Variants in ECT2 observed in about 807,000 individuals in gnomAD.
ECT2 encodes the protein protein ECT2.
Under a neutral mutation model 116.9 loss-of-function variants are expected in ECT2, and 61 were observed. That is an observed-to-expected ratio of 0.52 (90% CI 0.42 to 0.65). The LOEUF (loss-of-function observed/expected upper bound fraction) is 0.65. Among genes scored for constraint, ECT2 ranks in the 30% least tolerant of loss-of-function variants. The pLI, the probability that ECT2 is intolerant of heterozygous loss-of-function variation, is 0.00. For missense variants in ECT2, 937 were observed against 1,078.7 expected, an observed-to-expected ratio of 0.87 and a Z score of 1.84; for synonymous variants, 358 against 346.4, an observed-to-expected ratio of 1.03 and a Z score of -0.37.
chr3:172,760,180 C>T lies in ECT2; in HGVS notation c.601C>T (p.His201Tyr), dbSNP rs1410314961. Residue 201 changes from histidine (H) to tyrosine (Y), a missense_variant, in exon 7 of 25, where the codon CAC becomes TAC. By Grantham distance (83) the His-to-Tyr change is moderately conservative (BLOSUM62 2). Transcript: ENST00000392692. The stretch of plus-strand genomic sequence containing the variant: ...GGTCAGGTTGGTGACATTGGTCCAT[C>T]ACATGGGTGGAGTTATTCGAAAAGA... ...ELVRLVTLVH[H>Y]MGGVIRKDFN... The T allele has an allele frequency of 6.2e-7, 1 of 1,610,276 alleles. No homozygotes were observed. The highest frequency in any genetic ancestry group is 1.7e-5 in the Admixed American group (1 of 59,582).
At chr3:172,804,085 C>G (rs750734430) in intron 20 of ECT2, among the ~76,000 whole-genome samples, 1 of 152,186 alleles carries the variant, frequency 6.6e-6, no homozygotes, top group Non-Finnish European at 1.5e-5. Flanking sequence ...ATTGGGATTA[C>G]AGGCGTGAGC....
intron 8 of ECT2, 133 bp from the exon 9 acceptor site, chr3:172,762,283 G>A: frequency 3.1e-6 from 3 of 960,252 alleles, no homozygotes; most frequent in Non-Finnish European, 3.0e-6. Context: ...GAGCATTTCA[G>A]GACCAAATAT....
intron 23 of ECT2, among the ~76,000 whole-genome samples, chr3:172,816,172 A>G (rs1577048837): frequency 6.6e-6 from 1 of 152,112 alleles, no homozygotes; most frequent in East Asian, 1.9e-4. Flanking sequence ...GCTTTTTTAA[A>G]GTAGCACTAG....
Position 172,805,801 on chromosome 3 carries a change from C to A in ECT2, c.2177C>A (p.Ser726Tyr). 1 of 1,613,850 alleles carries A rather than the reference C, an allele frequency of 6.2e-7. No individual in the cohort carries two copies. The highest frequency in any genetic ancestry group is 1.7e-5 in the Admixed American group (1 of 59,992). ...SPHGQTRPPA[S>Y]LKHIHLMPLS... ...CATGGCCAAACCCGACCCCCAGCTTCTCTTAAGCATATTCACCTAATGCCT... is the reference window on the plus strand; with the variant it reads ...CATGGCCAAACCCGACCCCCAGCTTATCTTAAGCATATTCACCTAATGCCT... The change falls in exon 21 of 25, where the codon TCT (serine) becomes TAT (tyrosine). Residue 726 changes from serine to tyrosine, a missense_variant. Physicochemically the swap from Ser to Tyr is moderately radical, Grantham distance 144. Transcript: ENST00000392692.
At chr3:172,827,003 A>G in the ECT2 span, among the ~76,000 whole-genome samples, 2 of 152,242 alleles carry the variant, frequency 1.3e-5, no homozygotes, top group African/African-American at 4.8e-5. Flanking sequence ...GTTTCAAAAG[A>G]AGACATACAA....
Position 172,820,312 on chromosome 3 carries a change from C to T in ECT2, c.*75C>T, listed in dbSNP as rs1167051953. 1.0e-6 allele frequency: 1 copy of T among 1,003,330 alleles called. No individual in the cohort carries two copies. Among genetic ancestry groups the T allele is most frequent in the African/African-American group, 1.7e-5 (1 of 60,432 alleles). 62.2% of individuals were successfully genotyped at this position (1,003,330 alleles called of 1,614,324 possible). A position where few individuals can be genotyped will look rare whatever the true frequency, so the allele number is the denominator to read the frequency against. ...AAATAAGAAACTGACTTAAATGGTA[C>T]TTGTAATTAGCACTTGGTGAAAGCT... On this transcript the variant is annotated 3_prime_UTR_variant, in exon 25 of 25. Transcript: ENST00000392692.
chr3:172,793,660 C>A (rs1725096312), intron 18 of ECT2, among the ~76,000 whole-genome samples: 3 of 152,032 alleles, frequency 2.0e-5, no homozygotes, highest in Non-Finnish European at 4.4e-5. Flanking sequence ...GACGGAGTTT[C>A]ACCATGTTGG....
chr3:172,803,744 CTTTTCTTTTCTTTTCT>C (rs1289114793), intron 20 of ECT2, among the ~76,000 whole-genome samples: 3 of 151,538 alleles, frequency 2.0e-5, no homozygotes, highest in South Asian at 4.2e-4. Flanking sequence ...AAGGAGTTTC[CTTTTCTTTTCTTTTCT>C]TTTTCTTTTC....
chr3:172,823,630 T>C (rs1183296962), downstream of ECT2, among the ~76,000 whole-genome samples: 1 of 152,184 alleles, frequency 6.6e-6, no homozygotes, highest in Non-Finnish European at 1.5e-5. Context: ...GTGAGTCACA[T>C]GAATTTTTGG....
At chr3:172,763,572 A>G (rs1056619610) in intron 11 of ECT2, among the ~76,000 whole-genome samples, 2 of 152,220 alleles carry the variant, frequency 1.3e-5, no homozygotes, top group African/African-American at 4.8e-5. Context: ...TCCTATAACT[A>G]TTGGGAGCCA....
rs1159662153 is a variant in ECT2 at position 172,762,789 on chromosome 3, T to C, written c.988T>C (p.Tyr330His). 5 of 1,612,580 alleles carry C rather than the reference T, an allele frequency of 3.1e-6. No homozygotes were observed. The highest frequency in any genetic ancestry group is 4.2e-6 in the Non-Finnish European group (5 of 1,179,580). Residue 330 changes from tyrosine (Y) to histidine (H), a missense_variant, in exon 10 of 25, where the codon TAT becomes CAT. Transcript: ENST00000392692. ...TCCCTTTGAACCTTCAAAGAAACTT[T>C]ATGTTGTCAAGCAAGAGGCAAGTAA... is the stretch of plus-strand genomic sequence containing the variant. ...DLPFEPSKKL[Y>H]VVKQEWFWGS...
At chr3:172,819,886 A>G (rs1285752748) in intron 24 of ECT2, among the ~76,000 whole-genome samples, 2 of 152,118 alleles carry the variant, frequency 1.3e-5, no homozygotes, top group East Asian at 1.9e-4. Context: ...TACTAGCAAT[A>G]GGCCAATATC....
chr3:172,797,018 CTGTGTGTGTGTG>C (rs57188529), intron 18 of ECT2, among the ~76,000 whole-genome samples: 14 of 139,126 alleles, frequency 1.0e-4, no homozygotes, highest in African/African-American at 3.5e-4. Flanking sequence ...TCAGGTTCAA[CTGTGTGTGTGTG>C]TGTGTGTGTG....
Position 172,758,977 on chromosome 3 carries a change from C to A in ECT2, c.487-3C>A. On this transcript the variant is annotated splice_region_variant and splice_polypyrimidine_tract_variant and intron_variant, in intron 5 of 24. Coordinates refer to ENST00000392692, the MANE Select transcript of ECT2 (RefSeq NM_001258315.2). The stretch of plus-strand genomic sequence containing the variant: ...TCACATTTAAAATTGTTGTATCCTT[C>A]AGCCTTTGCCATTTTCATGTCGCCC... 2 of 1,606,436 alleles carry A rather than the reference C, an allele frequency of 1.2e-6. No individual in the cohort carries two copies. The highest frequency in any genetic ancestry group is 1.7e-6 in the Non-Finnish European group (2 of 1,176,636).
chr3:172,789,133 G>T (rs1724151128), intron 18 of ECT2, among the ~76,000 whole-genome samples: 1 of 150,566 alleles, frequency 6.6e-6, no homozygotes, highest in Non-Finnish European at 1.5e-5. Context: ...GGGGGATCTT[G>T]CCTTGATGTT....
intron 7 of ECT2, 67 bp downstream of exon 7, chr3:172,760,330 C>T: frequency 1.2e-6 from 1 of 844,592 alleles, no homozygotes; most frequent in Non-Finnish European, 1.8e-6. Flanking sequence ...TTAATAATAG[C>T]AGTCTTTTAT....
At chr3:172,776,425 A>G (rs1032243584) in intron 14 of ECT2, among the ~76,000 whole-genome samples, 5 of 152,176 alleles carry the variant, frequency 3.3e-5, no homozygotes, top group African/African-American at 1.2e-4. Context: ...CCATTATCCA[A>G]AAATGTCTAA....
chr3:172,784,875 T>G, intron 17 of ECT2, 72 bp downstream of exon 17: 1 of 969,770 alleles, frequency 1.0e-6, no homozygotes, highest in South Asian at 1.9e-5. Flanking sequence ...AAGATGAATT[T>G]CTTCTCATTT....
At chr3:172,783,361 T>C (rs1723053902) in intron 15 of ECT2, among the ~76,000 whole-genome samples, 1 of 152,198 alleles carries the variant, frequency 6.6e-6, no homozygotes. Context: ...TTTAATTTTC[T>C]CAGTCAGCCA....
Sources: allele counts gnomAD v4.1 joint callset (sites outside exome capture counted in the v4.1 genomes callset), GRCh38; gene constraint gnomAD v4.1.1; transcripts MANE v1.5; gene names NCBI Gene and HGNC (gene_info 2026-07-23, HGNC 2026-07-21).